GPR137B: variants seen among roughly 807,000 people sequenced by gnomAD.
The protein encoded by GPR137B is integral membrane protein GPR137B.
GPR137B carries 42 observed loss-of-function variants against 42.5 expected under a neutral mutation model. The observed-to-expected ratio is 0.99, with a 90% confidence interval of 0.77 to 1.28. GPR137B has a LOEUF of 1.28. Among genes scored for constraint, GPR137B ranks in the 50% most tolerant of loss-of-function variants. The probability of loss-of-function intolerance (pLI) is 0.00; values close to 1 mark genes in which losing one functional copy is unlikely to be tolerated. For synonymous variants in GPR137B, 218 were observed against 209.7 expected (o/e 1.04, Z -0.34); for missense variants, 487 against 493.9 (o/e 0.99, Z 0.13).
intron 1 of GPR137B, among the ~76,000 whole-genome samples, chr1:236,154,712 C>T (rs970512846): frequency 1.3e-5 from 2 of 152,064 alleles, no homozygotes; most frequent in Non-Finnish European, 2.9e-5. Flanking sequence ...GAAAGTTATT[C>T]TGTGAGGAGG....
At chr1:236,165,692 G>A (rs1662330574) in intron 1 of GPR137B, among the ~76,000 whole-genome samples, 2 of 152,126 alleles carry the variant, frequency 1.3e-5, no homozygotes, top group South Asian at 4.1e-4. Flanking sequence ...GACTGTAATT[G>A]GTCAAATAGA....
chr1:236,157,501 C>T lies in GPR137B; in HGVS notation c.415-11205C>T, dbSNP rs751841313. Among the ~76,000 whole-genome samples, 115 of 152,280 alleles carry T rather than the reference C, an allele frequency of 7.6e-4. 1 individual carries two copies. The highest frequency in any genetic ancestry group is 7.9e-4 in the Non-Finnish European group (54 of 68,014). ...CCTCCCAAAGTGCTGGGATTACAGG[C>T]GTGAGCCACTGTGCCCGGCCCGATT... On this transcript the variant is annotated intron_variant, in intron 1 of 6. Transcript: ENST00000366592.
At chr1:236,197,293 G>C (rs1324232424) in intron 5 of GPR137B, among the ~76,000 whole-genome samples, 1 of 152,030 alleles carries the variant, frequency 6.6e-6, no homozygotes, top group African/African-American at 2.4e-5. Context: ...TTAGTCCATT[G>C]CTGGATGCAT....
chr1:236,178,654 CA>C lies in GPR137B; in HGVS notation c.687+20del. The stretch of plus-strand genomic sequence containing the variant: ...AGTCCAAGGTAGGTGGAAATGTGGT[CA>C]AGATCCCTCCCATGAAACGTGTTCT... On this transcript the variant is annotated intron_variant, in intron 3 of 6. Transcript: ENST00000366592. The C allele has an allele frequency of 7.0e-7, 1 of 1,420,468 alleles. No individual in the cohort carries two copies. 88.0% of individuals were successfully genotyped at this position (1,420,468 alleles called of 1,614,324 possible).
intron 2 of GPR137B, among the ~76,000 whole-genome samples, chr1:236,169,571 C>G (rs74150312): frequency 6.6e-6 from 1 of 152,074 alleles, no homozygotes. Flanking sequence ...ACATGGACAC[C>G]GGGAGGCATG....
chr1:236,179,737 G>A (rs1482221490), intron 3 of GPR137B, 142 bp from the exon 4 acceptor site: 2 of 590,750 alleles, frequency 3.4e-6, no homozygotes, highest in Non-Finnish European at 6.0e-6. Context: ...AGTGTGAAAA[G>A]GACTCTGATG....
intron 5 of GPR137B, among the ~76,000 whole-genome samples, chr1:236,186,255 A>T (rs866962959): frequency 4.7e-5 from 1 of 21,082 alleles, no homozygotes; most frequent in Non-Finnish European, 1.2e-4. Flanking sequence ...ATAATATATA[A>T]TATATATTAT....
intron 5 of GPR137B, among the ~76,000 whole-genome samples, chr1:236,201,157 C>A (rs1003889564): frequency 2.6e-5 from 4 of 152,004 alleles, no homozygotes; most frequent in Non-Finnish European, 5.9e-5. Flanking sequence ...AAAGATAGGA[C>A]CCCAATCCCT....
At chr1:236,168,838 C>T (rs992967004) in intron 2 of GPR137B, 83 bp downstream of exon 2, 5 of 1,025,004 alleles carry the variant, frequency 4.9e-6, no homozygotes, top group Non-Finnish European at 7.8e-6. Context: ...GGGGTTTGCA[C>T]ACATCGCTGT....
chr1:236,168,102 TAA>T (rs1371529230), intron 1 of GPR137B, among the ~76,000 whole-genome samples: 2 of 151,576 alleles, frequency 1.3e-5, no homozygotes, highest in African/African-American at 4.9e-5. Context: ...AAAATTCTAA[TAA>T]AGAGAGTGGA....
At chr1:236,178,393 A>G (rs1382064525) in intron 2 of GPR137B, 21 bp from the exon 3 acceptor site, 6 of 1,463,040 alleles carry the variant, frequency 4.1e-6, no homozygotes, top group African/African-American at 1.4e-5. Context: ...GCAGCTGACA[A>G]GTTGCTCTCA....
chr1:236,174,175 C>T (rs1662622010), intron 2 of GPR137B, among the ~76,000 whole-genome samples: 2 of 152,146 alleles, frequency 1.3e-5, no homozygotes, highest in Non-Finnish European at 1.5e-5. Flanking sequence ...ACATATTTTT[C>T]CATATTGTTT....
intron 1 of GPR137B, among the ~76,000 whole-genome samples, chr1:236,165,976 A>G (rs1162336525): frequency 6.6e-6 from 1 of 152,256 alleles, no homozygotes; most frequent in African/African-American, 2.4e-5. Context: ...GCTGCAATAC[A>G]GCCACTTCGT....
At chr1:236,206,011 G>T (rs938171658) in intron 6 of GPR137B, among the ~76,000 whole-genome samples, 1 of 152,102 alleles carries the variant, frequency 6.6e-6, no homozygotes, top group Non-Finnish European at 1.5e-5. Flanking sequence ...TTATTTATTA[G>T]AATAAATTAT....
chr1:236,186,753 T>C (rs1482619229), intron 5 of GPR137B, among the ~76,000 whole-genome samples: 1 of 152,126 alleles, frequency 6.6e-6, no homozygotes, highest in Non-Finnish European at 1.5e-5. Context: ...GACATTTGGG[T>C]TGGTTCCAAG....
chr1:236,145,015 A>G (rs1571953390), intron 1 of GPR137B, among the ~76,000 whole-genome samples: 2 of 152,256 alleles, frequency 1.3e-5, no homozygotes, highest in East Asian at 3.8e-4. Flanking sequence ...CCAGGGGCCC[A>G]AAGTCACGGC....
intron 1 of GPR137B, among the ~76,000 whole-genome samples, chr1:236,143,306 G>A (rs1469000665): frequency 6.6e-6 from 1 of 152,286 alleles, no homozygotes; most frequent in Non-Finnish European, 1.5e-5. Context: ...TCCGCATCGT[G>A]CGGTGGATTC....
chr1:236,162,013 G>A (rs985231629), intron 1 of GPR137B, among the ~76,000 whole-genome samples: 3 of 152,126 alleles, frequency 2.0e-5, no homozygotes, highest in African/African-American at 7.2e-5. Flanking sequence ...ACAGTTGGAG[G>A]GCTCAGAAGA....
At position 236,150,618 on chromosome 1, in the gene GPR137B, G is replaced by A. The variant is rs978467398; in HGVS notation, c.414+7582G>A. On this transcript the variant is annotated intron_variant, in intron 1 of 6. Coordinates refer to ENST00000366592, the MANE Select transcript of GPR137B (RefSeq NM_003272.4). This position sits in a 1 kb window ranked among gnomAD's most constrained non-coding sequence, Gnocchi z 6.2. ...AGCATCCAACCCCAGTGACCATGCA[G>A]GAAGCCTGGACTTCCCCACAGCAGA... 3.3e-5 allele frequency among the ~76,000 whole-genome samples: 5 copies of A among 152,226 alleles called. No homozygotes were observed. The highest frequency in any genetic ancestry group is 5.9e-5 in the Non-Finnish European group (4 of 68,042).
Sources: gnomAD v4.1 joint callset for allele counts (sites outside exome capture counted in the v4.1 genomes callset) on GRCh38, gnomAD v4.1.1 for gene constraint, Gnocchi (gnomAD v3.1) non-coding constraint, MANE v1.5 for transcripts, NCBI Gene and HGNC (gene_info 2026-07-23, HGNC 2026-07-21) for gene names.